SARDH: variants seen among roughly 807,000 people sequenced by gnomAD.
SARDH encodes sarcosine dehydrogenase, mitochondrial.
Under a neutral mutation model 109.1 loss-of-function variants are expected in SARDH, and 95 were observed. The ratio of observed to expected loss-of-function variants is 0.87; its 90% confidence interval spans 0.74 to 1.03. The LOEUF is 1.03. Ranked by LOEUF, SARDH falls within the 50% of genes least tolerant of loss-of-function variation. The pLI, the probability that SARDH is intolerant of heterozygous loss-of-function variation, is 0.00. For synonymous variants in SARDH, 572 were observed against 534.8 expected, an observed-to-expected ratio of 1.07 and a Z score of -0.96; for missense variants, 1,267 against 1,287.8, an observed-to-expected ratio of 0.98 and a Z score of 0.25.
chr9:133,710,384 C>T (rs973328878), intron 10 of SARDH, among the ~76,000 whole-genome samples: 12 of 152,216 alleles, frequency 7.9e-5, no homozygotes, highest in Admixed American at 1.3e-4. Context: ...GCCTGGAAGC[C>T]CCCTGGTGCC....
chr9:133,659,923 T>TG (rs1008933225), downstream of SARDH, among the ~76,000 whole-genome samples: 27 of 152,078 alleles, frequency 1.8e-4, no homozygotes, highest in African/African-American at 5.3e-4. Flanking sequence ...CCCAAACACC[T>TG]GGGGGGCACT....
chr9:133,708,396 C>T lies in SARDH; in HGVS notation c.1361G>A (p.Arg454His), dbSNP rs149233577. Residue 454 changes from arginine to histidine, a missense_variant, in exon 11 of 21, where the codon CGC becomes CAC. Coordinates refer to ENST00000439388, the MANE Select transcript of SARDH (RefSeq NM_001134707.2). ...RFHHSLTDHP[R>H]WIRERSHESY... ...CTCATGGCTTCGCTCTCGGATCCAGCGGGGGTGGTCCGTGAGCGAGTGATG... is the reference window on the plus strand; with the variant it reads ...CTCATGGCTTCGCTCTCGGATCCAGTGGGGGTGGTCCGTGAGCGAGTGATG... 3.0e-5 allele frequency: 49 copies of T among 1,611,968 alleles called. No individual in the cohort carries two copies. In the Admixed American group the frequency reaches 3.2e-4, roughly 10 times the overall value.
intron 10 of SARDH, among the ~76,000 whole-genome samples, chr9:133,708,917 C>A (rs920340174): frequency 6.6e-6 from 1 of 152,150 alleles, no homozygotes; most frequent in Admixed American, 6.5e-5. Flanking sequence ...AAGGAACCCC[C>A]CTTTCCACCC....
At chr9:133,720,725 C>T (rs928634341) in intron 6 of SARDH, among the ~76,000 whole-genome samples, 3 of 152,156 alleles carry the variant, frequency 2.0e-5, no homozygotes, top group Non-Finnish European at 2.9e-5. Flanking sequence ...ACCATGAGAA[C>T]AGTATGGGGG....
At chr9:133,715,812 G>A (rs1051831647) in intron 8 of SARDH, among the ~76,000 whole-genome samples, 1 of 152,210 alleles carries the variant, frequency 6.6e-6, no homozygotes, top group African/African-American at 2.4e-5. Flanking sequence ...CCACCCTGCC[G>A]AGTCAGTGCT....
intron 14 of SARDH, among the ~76,000 whole-genome samples, chr9:133,695,144 C>G (rs1218146065): frequency 1.3e-5 from 2 of 152,188 alleles, no homozygotes; most frequent in East Asian, 3.9e-4. Context: ...GGGCCCTCAT[C>G]TAATCTGACT....
chr9:133,665,720 A>T (rs550551847), intron 20 of SARDH, among the ~76,000 whole-genome samples: 13 of 151,988 alleles, frequency 8.6e-5, no homozygotes, highest in Non-Finnish European at 1.6e-4. Flanking sequence ...TCCCCTCCCC[A>T]TTGGGCCTGC....
chr9:133,661,858 A>G (rs560592846), downstream of SARDH, among the ~76,000 whole-genome samples: 7 of 152,328 alleles, frequency 4.6e-5, no homozygotes, highest in African/African-American at 1.7e-4. Flanking sequence ...CATGGTATCA[A>G]TATTTCCAGA....
At chr9:133,680,574 ACCTCCCCAGGGC>A (rs1483409106) in intron 17 of SARDH, among the ~76,000 whole-genome samples, 1 of 152,114 alleles carries the variant, frequency 6.6e-6, no homozygotes, top group Admixed American at 6.5e-5. Context: ...CCTGGCCCAC[ACCTCCCCAGGGC>A]CCTCAAGAGG....
At position 133,704,734 on chromosome 9, in the gene SARDH, G is replaced by C. The variant is rs979563118; in HGVS notation, c.1554+214C>G. Among the ~76,000 whole-genome samples the C allele has an allele frequency of 6.6e-6, 1 of 152,232 alleles. No individual in the cohort carries two copies. Among genetic ancestry groups the C allele is most frequent in the African/African-American group, 2.4e-5 (1 of 41,454 alleles). The stretch of plus-strand genomic sequence containing the variant: ...AGCGGACGGGTAGTGGGGAGGACGA[G>C]GAGTGGGAATTGCGTGAACGGCACA... On this transcript the variant is annotated intron_variant, in intron 12 of 20. Transcript: ENST00000439388. This position sits in a 1 kb window ranked among gnomAD's most constrained non-coding sequence, Gnocchi z 4.5.
intron 3 of SARDH, 28 bp downstream of exon 3, chr9:133,732,395 T>G (rs1224997397): frequency 4.2e-6 from 1 of 237,626 alleles, no homozygotes; most frequent in Non-Finnish European, 7.5e-6. Context: ...CAAGCCCCCC[T>G]CCTTGCCCCC....
At chr9:133,697,591 T>C (rs1345179967) in intron 13 of SARDH, among the ~76,000 whole-genome samples, 3 of 152,250 alleles carry the variant, frequency 2.0e-5, no homozygotes, top group African/African-American at 2.4e-5. Flanking sequence ...ATGGGATTTA[T>C]CCCAGGAATA....
At chr9:133,711,850 C>T (rs947843485) in intron 10 of SARDH, among the ~76,000 whole-genome samples, 2 of 152,186 alleles carry the variant, frequency 1.3e-5, no homozygotes, top group Non-Finnish European at 2.9e-5. Flanking sequence ...CGGGGAGTGG[C>T]CCGGGCCACA....
At chr9:133,663,397 C>A (rs1244570686), downstream of SARDH, among the ~76,000 whole-genome samples, 2 of 152,258 alleles carry the variant, frequency 1.3e-5, no homozygotes, top group African/African-American at 4.8e-5. Context: ...GAAGAATGGC[C>A]TTGGTCCCAG....
intron 20 of SARDH, among the ~76,000 whole-genome samples, chr9:133,664,920 T>C (rs1450934290): frequency 2.0e-5 from 3 of 152,130 alleles, no homozygotes; most frequent in African/African-American, 7.2e-5. Context: ...AGCGGGCATC[T>C]GGCCTTGCTA....
rs143413723 is a variant in SARDH at position 133,694,231 on chromosome 9, C to T, written c.1921+27G>A. 436 of 1,490,934 alleles carry T rather than the reference C, an allele frequency of 2.9e-4. 3 individuals are homozygous for T. In the African/African-American group the frequency reaches 5.4e-3, roughly 19 times the overall value. 92.4% of individuals were successfully genotyped at this position (1,490,934 alleles called of 1,614,324 possible). ...TCCACAGAGCAGGCCGCAGTCACAG[C>T]GCCGTGTGCACAGAGGCATCCCATA... On this transcript the variant is annotated intron_variant, in intron 15 of 20. Coordinates refer to ENST00000439388, the MANE Select transcript of SARDH (RefSeq NM_001134707.2).
At chr9:133,717,088 C>A (rs1162335665) in intron 8 of SARDH, among the ~76,000 whole-genome samples, 1 of 152,306 alleles carries the variant, frequency 6.6e-6, no homozygotes, top group East Asian at 1.9e-4. Flanking sequence ...CAGGAGGAGG[C>A]CCTGGCCTCG....
In SARDH at chr9:133,696,477, T is replaced by A. The variant is rs1318106603; in HGVS notation, c.1669-116A>T. 5.3e-6 allele frequency: 7 copies of A among 1,320,750 alleles called. No individual in the cohort carries two copies. The East Asian group carries it at 1.6e-4, about 31-fold the overall frequency. The allele number at this position is 1,320,750 out of a possible 1,614,324, so 81.8% of individuals were successfully genotyped here. On this transcript the variant is annotated intron_variant, in intron 13 of 20. Transcript: ENST00000439388. ...ACACCTGTACTGAGCCTCCCCTCCC[T>A]CTCTTCCAGCCCGCACCAAGCCCTT...
Position 133,681,735 on chromosome 9 carries a change from C to A in SARDH, c.2163+3458G>T, listed in dbSNP as rs147126841. On this transcript the variant is annotated intron_variant, in intron 17 of 20. Coordinates refer to ENST00000439388, the MANE Select transcript of SARDH (RefSeq NM_001134707.2). ...TTGACTGAGAGTCCCAGTGGCCCTA[C>A]GTGAGCTGACGGTGCTGGGAGGTAC... Among the ~76,000 whole-genome samples, 49 of 152,310 alleles carry A rather than the reference C, an allele frequency of 3.2e-4. 1 individual carries two copies. Among genetic ancestry groups the A allele is most frequent in the African/African-American group, 1.1e-3 (46 of 41,548 alleles).
Sources: gnomAD v4.1 joint callset for allele counts (sites outside exome capture counted in the v4.1 genomes callset) on GRCh38, gnomAD v4.1.1 for gene constraint, Gnocchi (gnomAD v3.1) non-coding constraint, MANE v1.5 for transcripts, NCBI Gene and HGNC (gene_info 2026-07-23, HGNC 2026-07-21) for gene names.